Variants in ZNF714 observed in about 807,000 individuals in gnomAD.
The protein encoded by ZNF714 is zinc finger protein 714.
A neutral mutation model predicts 46.2 loss-of-function variants in ZNF714; 32 were observed. That is an observed-to-expected ratio of 0.69 (90% CI 0.52 to 0.93). The LOEUF (loss-of-function observed/expected upper bound fraction) is 0.93. Among genes scored for constraint, ZNF714 ranks in the 40% least tolerant of loss-of-function variants. ZNF714 has a pLI of 0.00. For synonymous variants in ZNF714, 199 were observed against 213.1 expected, an observed-to-expected ratio of 0.93 and a Z score of 0.58; for missense variants, 635 against 646.3, an observed-to-expected ratio of 0.98 and a Z score of 0.19.
In ZNF714 at chr19:21,098,919, G is replaced by T. The variant is rs541549345; in HGVS notation, c.142+9G>T. 5.2e-6 allele frequency: 8 copies of T among 1,524,860 alleles called. No individual in the cohort carries two copies. The Admixed American group carries it at 1.4e-4, about 26-fold the overall frequency. 94.5% of individuals were successfully genotyped at this position (1,524,860 alleles called of 1,614,324 possible). ...GGTGGATGAATCCCCAGGTAGGTGA[G>T]AGTGAACACAACAGATGACACAGAT... On this transcript the variant is annotated intron_variant, in intron 4 of 4. Transcript: ENST00000456283.
chr19:21,117,618 T>A lies in ZNF714; in HGVS notation c.954T>A (p.Cys318Ter). The change falls in exon 5 of 5, where the codon TGT (cysteine) becomes TGA (stop). Residue 318 changes from cysteine (C) to a stop codon, truncating the protein, a stop_gained. Coordinates refer to ENST00000456283, the MANE Select transcript of ZNF714 (RefSeq NM_182515.4). LOFTEE classifies it high-confidence loss of function. ...SGEKSYKCEQ[C>*]GKGFNWSSTL... The stretch of plus-strand genomic sequence containing the variant: ...AGAAATCTTACAAATGTGAACAATG[T>A]GGCAAAGGCTTTAACTGGTCTTCAA... 1 of 1,612,356 alleles carries A rather than the reference T, an allele frequency of 6.2e-7. No individual in the cohort carries two copies. Among genetic ancestry groups the A allele is most frequent in the South Asian group, 1.1e-5 (1 of 90,946 alleles).
At chr19:21,112,991 A>G (rs1350586531) in intron 4 of ZNF714, 5 of 150,522 alleles carry the variant, frequency 3.3e-5, no homozygotes, top group African/African-American at 9.8e-5. Context: ...CTGGGCTAAT[A>G]TTATGTATCT....
At chr19:21,116,595 C>G (rs1284200731) in intron 4 of ZNF714, among the ~76,000 whole-genome samples, 2 of 152,072 alleles carry the variant, frequency 1.3e-5, no homozygotes, top group Non-Finnish European at 2.9e-5. Flanking sequence ...GTGTACTCAC[C>G]TGGGGAACTT....
chr19:21,103,364 T>C lies in ZNF714; in HGVS notation c.142+4454T>C, dbSNP rs187809169. ...GATCAGGAGTTCCAGACCAGCCTGG[T>C]CAACATGGTGAAACCCTGTCTCTAC... On this transcript the variant is annotated intron_variant, in intron 4 of 4. Transcript: ENST00000456283. Among the ~76,000 whole-genome samples, 78 of 151,816 alleles carry C rather than the reference T, an allele frequency of 5.1e-4. No individual in the cohort carries two copies. The East Asian group carries it at 9.4e-3, about 18-fold the overall frequency.
In ZNF714 at chr19:21,119,164, GT is replaced by G; in HGVS notation, c.*833del. 4.5e-6 allele frequency: 2 copies of G among 443,100 alleles called. No individual in the cohort carries two copies. Among genetic ancestry groups the G allele is most frequent in the Non-Finnish European group, 9.0e-6 (2 of 222,182 alleles). 27.4% of individuals were successfully genotyped at this position (443,100 alleles called of 1,614,324 possible). On this transcript the variant is annotated 3_prime_UTR_variant, in exon 5 of 5. Transcript: ENST00000456283. The stretch of plus-strand genomic sequence containing the variant: ...TCAGGCCTATAATCCCAGCACTTTG[GT>G]AGGCCAAGGCAGGTGGATCATGAGG...
chr19:21,095,000 G>GT (rs570311877), intron 2 of ZNF714, among the ~76,000 whole-genome samples: 11 of 151,420 alleles, frequency 7.3e-5, no homozygotes, highest in Admixed American at 2.6e-4. Flanking sequence ...TTTTAATGAA[G>GT]TTTTTTTTTC....
At chr19:21,114,932 T>G (rs1969555868) in intron 4 of ZNF714, among the ~76,000 whole-genome samples, 1 of 152,204 alleles carries the variant, frequency 6.6e-6, no homozygotes, top group Admixed American at 6.5e-5. Context: ...ATTTTATTGT[T>G]TTATTTGATT....
intron 2 of ZNF714, among the ~76,000 whole-genome samples, chr19:21,088,255 G>A (rs184579490): frequency 1.3e-5 from 2 of 152,068 alleles, no homozygotes; most frequent in Admixed American, 1.3e-4. Context: ...AATATGTTTG[G>A]ACTCTCTGAT....
At chr19:21,104,447 A>G (rs1342902877) in intron 4 of ZNF714, among the ~76,000 whole-genome samples, 1 of 152,176 alleles carries the variant, frequency 6.6e-6, no homozygotes, top group East Asian at 1.9e-4. Context: ...ATTAAGAAGC[A>G]TTTATAACAT....
rs560376299 is a variant in ZNF714 at position 21,095,406 on chromosome 19, C to G, written c.-84-2779C>G. Among the ~76,000 whole-genome samples the G allele has an allele frequency of 2.0e-5, 3 of 152,228 alleles. No homozygotes were observed. In the South Asian group the frequency reaches 6.2e-4, roughly 32 times the overall value. The stretch of plus-strand genomic sequence containing the variant: ...TTGGATTATCAGTAAATACCGTGGG[C>G]TCCCAGAGCTCAGGGCCTTCACAGC... On this transcript the variant is annotated intron_variant, in intron 2 of 4. Transcript: ENST00000456283.
chr19:21,118,450 T>TAA lies in ZNF714; in HGVS notation c.*118_*119insAA. The TAA allele has an allele frequency of 6.3e-6, 1 of 159,790 alleles. No individual in the cohort carries two copies. Among genetic ancestry groups the TAA allele is most frequent in the South Asian group, 1.4e-4 (1 of 7,120 alleles). 9.9% of individuals were successfully genotyped at this position (159,790 alleles called of 1,614,324 possible). A position where few individuals can be genotyped will look rare whatever the true frequency, so the allele number is the denominator to read the frequency against. On this transcript the variant is annotated 3_prime_UTR_variant, in exon 5 of 5. Coordinates refer to ENST00000456283, the MANE Select transcript of ZNF714 (RefSeq NM_182515.4). Reference sequence around the variant, plus strand: ...CTGGGCCACAAGGCAAGACTCTGTCTCAAAAAAAAAAAAAAAAAGAAAAGA... The same window carrying TAA: ...CTGGGCCACAAGGCAAGACTCTGTCTAACAAAAAAAAAAAAAAAAAGAAAAGA...
chr19:21,112,840 T>TTTTTTTTTTTTTTA (rs1969488315), intron 4 of ZNF714, among the ~76,000 whole-genome samples: 2 of 133,026 alleles, frequency 1.5e-5, no homozygotes, highest in Non-Finnish European at 3.2e-5. Flanking sequence ...TTTTTTTTTT[T>TTTTTTTTTTTTTTA]GAGACGGAGT....
intron 2 of ZNF714, 145 bp downstream of exon 2, chr19:21,084,214 T>A: frequency 4.6e-6 from 1 of 216,866 alleles, no homozygotes. Context: ...GAAAAAATAG[T>A]ATCCCAAAAG....
chr19:21,098,229 G>A lies in ZNF714; in HGVS notation c.-40G>A, dbSNP rs1238574777. 1 of 1,612,570 alleles carries A rather than the reference G, an allele frequency of 6.2e-7. No individual in the cohort carries two copies. The highest frequency in any genetic ancestry group is 2.2e-5 in the East Asian group (1 of 44,856). ...ATGTGGCCATAGAATTCTCTCTGGA[G>A]GAGTGGGAATGCCTGAACCCTGCTC... On this transcript the variant is annotated 5_prime_UTR_variant, in exon 3 of 5. Coordinates refer to ENST00000456283, the MANE Select transcript of ZNF714 (RefSeq NM_182515.4).
intron 4 of ZNF714, among the ~76,000 whole-genome samples, chr19:21,104,413 T>C (rs1969264315): frequency 2.0e-5 from 3 of 152,180 alleles, no homozygotes. Context: ...GAGATTGCTG[T>C]ATTTGATGAT....
At chr19:21,108,604 C>T (rs1969376111) in intron 4 of ZNF714, among the ~76,000 whole-genome samples, 1 of 152,198 alleles carries the variant, frequency 6.6e-6, no homozygotes, top group Non-Finnish European at 1.5e-5. Flanking sequence ...TCCAGTTACT[C>T]TTTGTCTTCC....
At chr19:21,083,929 A>G in intron 1 of ZNF714, 49 bp from the exon 2 acceptor site, 1 of 1,037,058 alleles carries the variant, frequency 9.6e-7, no homozygotes, top group South Asian at 1.5e-5. Flanking sequence ...TGGTTATGTC[A>G]GCTAAAGTGC....
At chr19:21,083,694 TCCCATGAGAAGAAAGC>T (rs919082144) in intron 1 of ZNF714, among the ~76,000 whole-genome samples, 16 of 152,174 alleles carry the variant, frequency 1.1e-4, no homozygotes, top group Non-Finnish European at 5.9e-5. Flanking sequence ...TTTGTAACTT[TCCCATGAGAAGAAAGC>T]AAAGAATAAT....
intron 4 of ZNF714, among the ~76,000 whole-genome samples, chr19:21,114,404 C>G (rs970780077): frequency 6.5e-5 from 9 of 137,624 alleles, no homozygotes; most frequent in Non-Finnish European, 3.0e-5. Context: ...CCACTGCACT[C>G]GAACCTAGGT....
Sources: gnomAD v4.1 joint callset for allele counts (sites outside exome capture counted in the v4.1 genomes callset) on GRCh38, gnomAD v4.1.1 for gene constraint, MANE v1.5 for transcripts, NCBI Gene and HGNC (gene_info 2026-07-23, HGNC 2026-07-21) for gene names.